SORCS3: variants seen among roughly 807,000 people sequenced by gnomAD.
The protein encoded by SORCS3 is sortilin related VPS10 domain containing receptor 3.
A neutral mutation model predicts 146.3 loss-of-function variants in SORCS3; 57 were observed. That is an observed-to-expected ratio of 0.39 (90% CI 0.31 to 0.49). The LOEUF (loss-of-function observed/expected upper bound fraction) is 0.49. Ranked by LOEUF, SORCS3 falls within the 20% of genes least tolerant of loss-of-function variation. SORCS3 has a pLI of 0.92. For missense variants in SORCS3, 1,341 were observed against 1,575.5 expected (o/e 0.85, Z 2.52); for synonymous variants, 653 against 618.5 (o/e 1.06, Z -0.83).
intron 2 of SORCS3, among the ~76,000 whole-genome samples, chr10:104,868,397 C>T (rs2018482688): frequency 6.6e-6 from 1 of 152,232 alleles, no homozygotes; most frequent in Non-Finnish European, 1.5e-5. Context: ...GCTTCCCTGA[C>T]AGAATCTCAC....
chr10:104,836,497 G>A (rs2133541331), intron 1 of SORCS3, among the ~76,000 whole-genome samples: 1 of 152,144 alleles, frequency 6.6e-6, no homozygotes, highest in East Asian at 1.9e-4. Context: ...AGCTGCTTGG[G>A]GACAAGAAAA....
At chr10:104,896,384 C>A (rs966976395) in intron 2 of SORCS3, among the ~76,000 whole-genome samples, 1 of 152,238 alleles carries the variant, frequency 6.6e-6, no homozygotes, top group Non-Finnish European at 1.5e-5. Flanking sequence ...TACAGCGAAT[C>A]AGCTGGGCAT....
intron 1 of SORCS3, among the ~76,000 whole-genome samples, chr10:104,656,519 A>G (rs936775902): frequency 2.6e-5 from 4 of 152,036 alleles, no homozygotes; most frequent in African/African-American, 9.7e-5. Context: ...TTAGCTGGGC[A>G]TGGTGGAATG....
chr10:105,222,845 A>G (rs2056712055), intron 19 of SORCS3, among the ~76,000 whole-genome samples: 2 of 152,228 alleles, frequency 1.3e-5, no homozygotes, highest in African/African-American at 2.4e-5. Flanking sequence ...TTGTCCTTGT[A>G]TTAGAGGTTC....
intron 1 of SORCS3, among the ~76,000 whole-genome samples, chr10:104,789,605 C>G (rs568631033): frequency 1.4e-4 from 21 of 152,172 alleles, no homozygotes; most frequent in African/African-American, 4.1e-4. Context: ...AGTTCTCTGA[C>G]AGGAAATGTA....
At chr10:104,821,614 C>T (rs753607297) in intron 1 of SORCS3, among the ~76,000 whole-genome samples, 1 of 152,198 alleles carries the variant, frequency 6.6e-6, no homozygotes, top group Non-Finnish European at 1.5e-5. Flanking sequence ...ACATATTCAA[C>T]CTCAGGTTTA....
intron 22 of SORCS3, among the ~76,000 whole-genome samples, chr10:105,248,582 C>T (rs564129286): frequency 1.7e-4 from 26 of 152,038 alleles, no homozygotes; most frequent in African/African-American, 5.1e-4. Flanking sequence ...GGTGTGGTGG[C>T]GTGTGCCTGT....
Position 105,081,846 on chromosome 10 carries a change from T to G in SORCS3, c.1029-7929T>G, listed in dbSNP as rs200240308. ...CTATTATTGAGCTCATTAATTGTTA[T>G]CCAATTAATGACAATACCCTCAGGA... On this transcript the variant is annotated intron_variant, in intron 5 of 26. Coordinates refer to ENST00000369701, the MANE Select transcript of SORCS3 (RefSeq NM_014978.3). 2.0e-5 allele frequency among the ~76,000 whole-genome samples: 3 copies of G among 152,226 alleles called. No homozygotes were observed. In the East Asian group the frequency reaches 5.8e-4, roughly 29 times the overall value.
At chr10:104,890,074 T>A (rs975189498) in intron 2 of SORCS3, among the ~76,000 whole-genome samples, 1 of 152,126 alleles carries the variant, frequency 6.6e-6, no homozygotes, top group South Asian at 2.1e-4. Flanking sequence ...TCCATATATC[T>A]TTTTTTCTAT....
chr10:105,098,128 C>G (rs1321527327), intron 6 of SORCS3, among the ~76,000 whole-genome samples: 1 of 152,102 alleles, frequency 6.6e-6, no homozygotes, highest in Non-Finnish European at 1.5e-5. Context: ...ATTATTGGCT[C>G]TTTAAAATAT....
chr10:105,179,060 A>C (rs2056426446), intron 14 of SORCS3, among the ~76,000 whole-genome samples: 1 of 152,208 alleles, frequency 6.6e-6, no homozygotes, highest in Non-Finnish European at 1.5e-5. Flanking sequence ...ACTTGGAAGA[A>C]AGGCCAATCT....
intron 7 of SORCS3, among the ~76,000 whole-genome samples, chr10:105,128,790 C>T (rs1385129686): frequency 1.3e-5 from 2 of 152,116 alleles, no homozygotes; most frequent in Non-Finnish European, 2.9e-5. Context: ...AGCTTGTGTT[C>T]CTGGGAACAT....
At chr10:104,647,266 G>T (rs1333030669) in intron 1 of SORCS3, among the ~76,000 whole-genome samples, 1 of 152,088 alleles carries the variant, frequency 6.6e-6, no homozygotes, top group South Asian at 2.1e-4. Flanking sequence ...TTCTGGCCAG[G>T]GCAGCGTCTT....
rs146340311 is a variant in SORCS3 at position 105,204,916 on chromosome 10, C to G, written c.2261+3663C>G. Among the ~76,000 whole-genome samples, 990 of 152,272 alleles carry G rather than the reference C, an allele frequency of 6.5e-3. 8 individuals carry two copies. The highest frequency in any genetic ancestry group is 0.014 in the Middle Eastern group (4 of 294). On this transcript the variant is annotated intron_variant, in intron 16 of 26. Coordinates refer to ENST00000369701, the MANE Select transcript of SORCS3 (RefSeq NM_014978.3). Reference sequence around the variant, plus strand: ...AGTTTTTCCAACAAATACAGTTTGTCTGTTTGCTGGTCTTTAATGCTAATG... The same window carrying G: ...AGTTTTTCCAACAAATACAGTTTGTGTGTTTGCTGGTCTTTAATGCTAATG...
rs146595101 is a variant in SORCS3 at position 105,030,637 on chromosome 10, G to T, written c.955-12418G>T. The stretch of plus-strand genomic sequence containing the variant: ...GACAGAGCTTTGCTCTTGTTGCCCA[G>T]GCTGGAGTGCAATGGTGGGATCTTG... On this transcript the variant is annotated intron_variant, in intron 4 of 26. Transcript: ENST00000369701. 4.9e-3 allele frequency among the ~76,000 whole-genome samples: 747 copies of T among 150,910 alleles called. 6 individuals are homozygous for T. The highest frequency in any genetic ancestry group is 0.017 in the African/African-American group (693 of 40,832).
intron 8 of SORCS3, among the ~76,000 whole-genome samples, chr10:105,141,291 A>G (rs1357635318): frequency 6.6e-6 from 1 of 152,078 alleles, no homozygotes; most frequent in Non-Finnish European, 1.5e-5. Context: ...CCTCATCCAG[A>G]GCAGCTTCTC....
chr10:104,884,186 A>T (rs1449183866), intron 2 of SORCS3, among the ~76,000 whole-genome samples: 1 of 152,218 alleles, frequency 6.6e-6, no homozygotes, highest in African/African-American at 2.4e-5. Context: ...GACTTAGCCC[A>T]TGAGTTTCCA....
intron 1 of SORCS3, chr10:104,822,094 C>T: frequency 1.9e-6 from 1 of 518,314 alleles, no homozygotes; most frequent in Non-Finnish European, 3.9e-6. Context: ...GGAGTCTGAC[C>T]AGCTCCTCTG....
intron 4 of SORCS3, among the ~76,000 whole-genome samples, chr10:104,987,954 G>T (rs2054971779): frequency 6.6e-6 from 1 of 152,182 alleles, no homozygotes; most frequent in South Asian, 2.1e-4. Flanking sequence ...TTTACTCAGA[G>T]TTGGACGTAT....
Sources: allele counts gnomAD v4.1 joint callset (sites outside exome capture counted in the v4.1 genomes callset), GRCh38; gene constraint gnomAD v4.1.1; transcripts MANE v1.5; gene names NCBI Gene and HGNC (gene_info 2026-07-23, HGNC 2026-07-21).